Variants in CTSH observed in about 807,000 individuals in gnomAD.
CTSH encodes cathepsin H.
In CTSH, 52 loss-of-function variants were observed where a neutral mutation model predicts 56.3. The observed-to-expected ratio is 0.92, with a 90% CI of 0.74 to 1.16. The LOEUF is 1.16. Ranked by LOEUF, CTSH falls within the 50% of genes most tolerant of loss-of-function variation. The probability of loss-of-function intolerance (pLI) is 0.00; values close to 1 mark genes in which losing one functional copy is unlikely to be tolerated. For missense variants in CTSH, 406 were observed against 424.5 expected, an observed-to-expected ratio of 0.96 and a Z score of 0.38; for synonymous variants, 174 against 155.7, an observed-to-expected ratio of 1.12 and a Z score of -0.88.
chr15:78,925,468 A>C (rs1464281669), intron 9 of CTSH, 28 bp from the exon 10 acceptor site: 7 of 1,477,114 alleles, frequency 4.7e-6, no homozygotes, highest in South Asian at 3.4e-5. Context: ...AGACAGAAAC[A>C]CATGGCCTGT....
chr15:78,922,049 C>T lies in CTSH; in HGVS notation c.*81G>A, dbSNP rs1355086705. On this transcript the variant is annotated 3_prime_UTR_variant, in exon 12 of 12. Transcript: ENST00000220166. ...GTCCCAGTGGATCTCCCCACAACTT[C>T]CTCCAGGGCAGGATTTCCACCCAGG... 1.5e-6 allele frequency: 2 copies of T among 1,330,900 alleles called. No homozygotes were observed. Among genetic ancestry groups the T allele is most frequent in the East Asian group, 5.0e-5 (2 of 39,652 alleles). 82.4% of individuals were successfully genotyped at this position (1,330,900 alleles called of 1,614,324 possible). A position where few individuals can be genotyped will look rare whatever the true frequency, so the allele number is the denominator to read the frequency against.
intron 1 of CTSH, 63 bp from the exon 2 acceptor site, chr15:78,939,234 G>T: frequency 7.3e-7 from 1 of 1,363,824 alleles, no homozygotes. Flanking sequence ...CTATAGCAAA[G>T]TAGGGCACTT....
intron 1 of CTSH, among the ~76,000 whole-genome samples, chr15:78,941,437 A>T (rs1343927331): frequency 3.3e-5 from 5 of 149,652 alleles, no homozygotes; most frequent in South Asian, 2.1e-4. Flanking sequence ...AAAAAAAAAA[A>T]AAAAAAAAAA....
At chr15:78,932,654 G>C (rs1056179630) in intron 5 of CTSH, among the ~76,000 whole-genome samples, 196 bp from the exon 6 acceptor site, 2 of 148,934 alleles carry the variant, frequency 1.3e-5, no homozygotes, top group African/African-American at 5.1e-5. Context: ...TCTGAGGCTC[G>C]CAAGCCCTGT....
chr15:78,942,088 C>CAA (rs1401083040), intron 1 of CTSH, among the ~76,000 whole-genome samples: 1 of 152,136 alleles, frequency 6.6e-6, no homozygotes, highest in Non-Finnish European at 1.5e-5. Context: ...AAACCCTGCT[C>CAA]AAATAAGCAG....
chr15:78,931,763 GTCCAAACCCC>G, intron 6 of CTSH: 1 of 1,405,874 alleles, frequency 7.1e-7, no homozygotes. Context: ...GGGCTGTTGG[GTCCAAACCCC>G]TGCCCCGTAG....
chr15:78,932,306 C>T lies in CTSH; in HGVS notation c.492+66G>A. 2.1e-6 allele frequency: 3 copies of T among 1,447,130 alleles called. No individual in the cohort carries two copies. The Admixed American group carries it at 5.1e-5, about 25-fold the overall frequency. The allele number at this position is 1,447,130 out of a possible 1,614,324, so 89.6% of individuals were successfully genotyped here. Reference sequence around the variant, plus strand: ...GCCAATGCTCCAGGGAAACCAAAGGCCCAGGCCTGGCCCACATCAGGATGG... The same window carrying T: ...GCCAATGCTCCAGGGAAACCAAAGGTCCAGGCCTGGCCCACATCAGGATGG... On this transcript the variant is annotated intron_variant, in intron 6 of 11. Coordinates refer to ENST00000220166, the MANE Select transcript of CTSH (RefSeq NM_004390.5).
intron 10 of CTSH, among the ~76,000 whole-genome samples, chr15:78,923,952 C>G (rs1412620365): frequency 6.6e-6 from 1 of 152,110 alleles, no homozygotes; most frequent in Non-Finnish European, 1.5e-5. Flanking sequence ...GTGCCGGGAT[C>G]CAGGCAGCAT....
intron 6 of CTSH, 60 bp from the exon 7 acceptor site, chr15:78,931,566 G>C: frequency 6.2e-7 from 1 of 1,613,284 alleles, no homozygotes; most frequent in Admixed American, 1.7e-5. Flanking sequence ...GCTTTGGCGT[G>C]AGGCGCTAAG....
At position 78,927,795 on chromosome 15, in the gene CTSH, A is replaced by G. The variant is rs2054945556; in HGVS notation, c.631-14T>C. On this transcript the variant is annotated splice_polypyrimidine_tract_variant and intron_variant, in intron 8 of 11. Coordinates refer to ENST00000220166, the MANE Select transcript of CTSH (RefSeq NM_004390.5). The stretch of plus-strand genomic sequence containing the variant: ...GCAATAACCATCCTGTTGAGGATGC[A>G]AAGGGCATGAAATACAGGTTATGGA... 1 of 1,612,078 alleles carries G rather than the reference A, an allele frequency of 6.2e-7. No individual in the cohort carries two copies. The highest frequency in any genetic ancestry group is 1.3e-5 in the African/African-American group (1 of 74,892).
In CTSH at chr15:78,937,413, G is replaced by T; in HGVS notation, c.134C>A (p.Thr45Asn). 1 of 1,613,958 alleles carries T rather than the reference G, an allele frequency of 6.2e-7. No individual in the cohort carries two copies. Among genetic ancestry groups the T allele is most frequent in the South Asian group, 1.1e-5 (1 of 91,076 alleles). ...FKSWMSKHRK[T>N]YSTEEYHHRL... ...GTGGTGGTACTCCTCCGTACTGTAG[G>T]TCTTACGGTGCTAAAACAAAACACG... Residue 45 changes from threonine to asparagine, a missense_variant, in exon 3 of 12, where the codon ACC becomes AAC. By Grantham distance (65) the Thr-to-Asn change is moderately conservative. Coordinates refer to ENST00000220166, the MANE Select transcript of CTSH (RefSeq NM_004390.5).
At chr15:78,937,917 TAATC>T (rs2055210697) in intron 2 of CTSH, 3 of 795,060 alleles carry the variant, frequency 3.8e-6, no homozygotes, top group Non-Finnish European at 5.4e-6. Flanking sequence ...TAATGTGTAA[TAATC>T]AAATCAAGGT....
chr15:78,942,114 G>C (rs1380522552), intron 1 of CTSH, among the ~76,000 whole-genome samples: 1 of 152,016 alleles, frequency 6.6e-6, no homozygotes, highest in Non-Finnish European at 1.5e-5. Context: ...AATGGAGGCA[G>C]TTTTTAAGAG....
intron 8 of CTSH, among the ~76,000 whole-genome samples, chr15:78,928,504 G>A (rs543288787): frequency 1.3e-5 from 2 of 148,898 alleles, no homozygotes; most frequent in Admixed American, 6.9e-5. Context: ...GGCGGAGGTT[G>A]CAGTGAGCCG....
At position 78,931,620 on chromosome 15, in the gene CTSH, C is replaced by G. The variant is rs953910232; in HGVS notation, c.493-114G>C. ...ATCTGAGGCCCCGTCAGTGCTGTGT[C>G]AAGGTGACCAAATTATAAACTCCCC... On this transcript the variant is annotated intron_variant, in intron 6 of 11. Transcript: ENST00000220166. 5.1e-6 allele frequency: 8 copies of G among 1,569,734 alleles called. No homozygotes were observed. The Admixed American group carries it at 1.5e-4, about 29-fold the overall frequency.
At chr15:78,937,144 T>C in intron 3 of CTSH, 174 bp downstream of exon 3, 2 of 605,562 alleles carry the variant, frequency 3.3e-6, no homozygotes, top group South Asian at 3.9e-5. Flanking sequence ...GTCCCAAATT[T>C]ACGATCCCAC....
chr15:78,923,108 G>A lies in CTSH; in HGVS notation c.817C>T (p.His273Tyr), dbSNP rs746993559. The A allele has an allele frequency of 1.2e-6, 2 of 1,612,588 alleles. No homozygotes were observed. The highest frequency in any genetic ancestry group is 2.2e-5 in the South Asian group (2 of 90,678). Residue 273 changes from histidine (H) to tyrosine (Y), a missense_variant, in exon 11 of 12, where the codon CAT becomes TAT. Transcript: ENST00000220166. ...TGGTTTACTTTATCTGGAGTTTTAT[G>A]GCAGGAAGTACTGGAAAACAAAATT... is the stretch of plus-strand genomic sequence containing the variant. The part of the protein sequence containing the change: ...RTGIYSSTSC[H>Y]KTPDKVNHAV...
intron 8 of CTSH, among the ~76,000 whole-genome samples, chr15:78,928,665 G>A (rs2054976202): frequency 6.6e-6 from 1 of 152,080 alleles, no homozygotes; most frequent in East Asian, 1.9e-4. Flanking sequence ...GAGCCTCGGC[G>A]GCATTCTGAT....
At chr15:78,929,562 G>T in intron 7 of CTSH, 69 bp from the exon 8 acceptor site, 2 of 1,120,898 alleles carry the variant, frequency 1.8e-6, no homozygotes, top group Non-Finnish European at 2.6e-6. Flanking sequence ...TCGGGGACTG[G>T]CGTGGCGAGA....
Sources: allele counts gnomAD v4.1 joint callset (sites outside exome capture counted in the v4.1 genomes callset), GRCh38; gene constraint gnomAD v4.1.1; transcripts MANE v1.5; gene names NCBI Gene and HGNC (gene_info 2026-07-23, HGNC 2026-07-21).